Variants in CACNA2D3 observed in about 807,000 individuals in gnomAD.
CACNA2D3 encodes the protein voltage-dependent calcium channel subunit alpha-2/delta-3.
Under a neutral mutation model 160.6 loss-of-function variants are expected in CACNA2D3, and 60 were observed. The ratio of observed to expected loss-of-function variants is 0.37; its 90% CI spans 0.30 to 0.46. The LOEUF is 0.46. Ranked by LOEUF, CACNA2D3 falls within the 20% of genes least tolerant of loss-of-function variation. The pLI, the probability that CACNA2D3 is intolerant of heterozygous loss-of-function variation, is 1.00. For missense variants in CACNA2D3, 1,205 were observed against 1,365.0 expected, an observed-to-expected ratio of 0.88 and a Z score of 1.85; for synonymous variants, 558 against 492.9, an observed-to-expected ratio of 1.13 and a Z score of -1.75.
chr3:54,741,227 G>T (rs955906106), intron 11 of CACNA2D3, among the ~76,000 whole-genome samples: 1 of 152,124 alleles, frequency 6.6e-6, no homozygotes, highest in African/African-American at 2.4e-5. Flanking sequence ...CATGTCATCA[G>T]GCGTTATACT....
chr3:54,610,077 C>T (rs578214131), intron 9 of CACNA2D3, among the ~76,000 whole-genome samples: 1 of 152,244 alleles, frequency 6.6e-6, no homozygotes, highest in Admixed American at 6.5e-5. Context: ...ACTCCAGTCT[C>T]TGCCTCCATC....
chr3:55,005,002 G>A (rs935548276), intron 32 of CACNA2D3, among the ~76,000 whole-genome samples, 164 bp downstream of exon 32: 11 of 151,534 alleles, frequency 7.3e-5, no homozygotes, highest in African/African-American at 2.2e-4. Flanking sequence ...CAGGCCGGGC[G>A]CGGCAGCTCA....
chr3:54,776,866 C>T (rs1702435329), intron 13 of CACNA2D3, among the ~76,000 whole-genome samples: 1 of 152,162 alleles, frequency 6.6e-6, no homozygotes, highest in Non-Finnish European at 1.5e-5. Flanking sequence ...GAAGCCCTCT[C>T]CCTTGTGCCT....
At chr3:54,674,561 T>A (rs985385501) in intron 11 of CACNA2D3, among the ~76,000 whole-genome samples, 7 of 152,162 alleles carry the variant, frequency 4.6e-5, no homozygotes, top group African/African-American at 1.7e-4. Flanking sequence ...TCCAGCCATA[T>A]TTAGCTGCTT....
chr3:54,918,204 T>A (rs1575370739), intron 27 of CACNA2D3: 1 of 416,350 alleles, frequency 2.4e-6, no homozygotes, highest in East Asian at 4.2e-5. Context: ...TACCCCCACA[T>A]AGAATCGTCG....
intron 13 of CACNA2D3, among the ~76,000 whole-genome samples, chr3:54,774,527 C>A (rs1002313055): frequency 6.6e-6 from 1 of 152,018 alleles, no homozygotes; most frequent in Non-Finnish European, 1.5e-5. Flanking sequence ...GGCCACTTCT[C>A]CAACACCGGG....
At chr3:54,686,129 A>G (rs1700445083) in intron 11 of CACNA2D3, among the ~76,000 whole-genome samples, 1 of 152,236 alleles carries the variant, frequency 6.6e-6, no homozygotes, top group African/African-American at 2.4e-5. Flanking sequence ...GGTTTGCTAA[A>G]ATACAATCTG....
chr3:54,627,012 C>T (rs1699133441), intron 9 of CACNA2D3, among the ~76,000 whole-genome samples: 1 of 152,214 alleles, frequency 6.6e-6, no homozygotes, highest in African/African-American at 2.4e-5. Flanking sequence ...TCCCATTCTC[C>T]TTATTCCCTG....
chr3:54,459,629 T>C (rs1253333333), intron 4 of CACNA2D3, among the ~76,000 whole-genome samples: 4 of 152,098 alleles, frequency 2.6e-5, no homozygotes, highest in South Asian at 2.1e-4. Flanking sequence ...GTTTGTTTTT[T>C]TCTTGTAAAT....
intron 4 of CACNA2D3, among the ~76,000 whole-genome samples, chr3:54,454,057 A>G (rs1435279783): frequency 6.6e-6 from 1 of 152,144 alleles, no homozygotes; most frequent in Admixed American, 6.6e-5. Flanking sequence ...GGAAAGGTTG[A>G]ACTAGCATGT....
chr3:54,716,119 C>A (rs751996242), intron 11 of CACNA2D3, among the ~76,000 whole-genome samples: 3 of 152,046 alleles, frequency 2.0e-5, no homozygotes, highest in African/African-American at 7.2e-5. Flanking sequence ...AAAACACAAA[C>A]TTTATTTTGA....
At chr3:54,458,746 C>G (rs1700444136) in intron 4 of CACNA2D3, among the ~76,000 whole-genome samples, 1 of 150,906 alleles carries the variant, frequency 6.6e-6, no homozygotes, top group African/African-American at 2.4e-5. Flanking sequence ...CTGTTATTTC[C>G]TTAAATACAT....
At chr3:54,842,823 A>G (rs534920640) in intron 16 of CACNA2D3, among the ~76,000 whole-genome samples, 1 of 149,304 alleles carries the variant, frequency 6.7e-6, no homozygotes, top group South Asian at 2.1e-4. Context: ...CTGGTCTTGA[A>G]CTCCTAACCT....
intron 29 of CACNA2D3, among the ~76,000 whole-genome samples, chr3:54,975,521 CAAAAAAAAAAA>C (rs55819960): frequency 1.3e-5 from 1 of 77,778 alleles, no homozygotes; most frequent in Non-Finnish European, 2.7e-5. Flanking sequence ...ACTTGGTCTC[CAAAAAAAAAAA>C]AAAAAAAAAA....
At chr3:54,202,731 A>G (rs1701201509) in intron 2 of CACNA2D3, among the ~76,000 whole-genome samples, 2 of 152,230 alleles carry the variant, frequency 1.3e-5, no homozygotes, top group South Asian at 4.1e-4. Context: ...ACTGGGGATA[A>G]TAGACATAGG....
intron 5 of CACNA2D3, among the ~76,000 whole-genome samples, chr3:54,526,116 G>T (rs968163473): frequency 5.3e-5 from 8 of 151,946 alleles, no homozygotes; most frequent in African/African-American, 1.9e-4. Context: ...TCTCTCTAAA[G>T]AATTTTTTAT....
At chr3:54,796,893 CCG>C (rs1287069686) in intron 13 of CACNA2D3, among the ~76,000 whole-genome samples, 1 of 151,826 alleles carries the variant, frequency 6.6e-6, no homozygotes, top group African/African-American at 2.4e-5. Flanking sequence ...CCACAGAGCT[CCG>C]TGTGAAGGCA....
At chr3:55,073,325 A>T in intron 35 of CACNA2D3, 120 bp from the exon 36 acceptor site, 1 of 660,664 alleles carries the variant, frequency 1.5e-6, no homozygotes, top group African/African-American at 1.8e-5. Flanking sequence ...GTAGTAAAAT[A>T]GTCTCCAAAA....
At chr3:55,056,219 A>G (rs1704356822) in intron 35 of CACNA2D3, among the ~76,000 whole-genome samples, 1 of 152,172 alleles carries the variant, frequency 6.6e-6, no homozygotes. Context: ...CAATATTAGT[A>G]ATCATCAGGG....
Sources: gnomAD v4.1 joint callset for allele counts (sites outside exome capture counted in the v4.1 genomes callset) on GRCh38, gnomAD v4.1.1 for gene constraint, MANE v1.5 for transcripts, NCBI Gene and HGNC (gene_info 2026-07-23, HGNC 2026-07-21) for gene names.